Variants in EPB41L4B observed in about 807,000 individuals in gnomAD.
The protein encoded by EPB41L4B is band 4.1-like protein 4B.
A neutral mutation model predicts 112.5 loss-of-function variants in EPB41L4B; 30 were observed. The observed-to-expected ratio is 0.27, with a 90% CI of 0.20 to 0.36. The LOEUF is 0.36. Among genes scored for constraint, EPB41L4B ranks in the 10% least tolerant of loss-of-function variants. The pLI is 1.00. For synonymous variants in EPB41L4B, 408 were observed against 439.7 expected, an observed-to-expected ratio of 0.93 and a Z score of 0.90; for missense variants, 1,024 against 1,133.3, an observed-to-expected ratio of 0.90 and a Z score of 1.38.
At chr9:109,273,318 C>A (rs1252385107) in intron 2 of EPB41L4B, among the ~76,000 whole-genome samples, 2 of 151,872 alleles carry the variant, frequency 1.3e-5, no homozygotes, top group Non-Finnish European at 2.9e-5. Context: ...GTGATCTGGG[C>A]TCACTGCAAC....
chr9:109,234,466 A>G (rs1588156630), intron 15 of EPB41L4B, among the ~76,000 whole-genome samples: 2 of 152,218 alleles, frequency 1.3e-5, no homozygotes, highest in South Asian at 4.1e-4. Context: ...AAATGCTAAC[A>G]ATGTTTGCTT....
At chr9:109,276,193 ACACACACAC>A in intron 2 of EPB41L4B, among the ~76,000 whole-genome samples, 1 of 130,156 alleles carries the variant, frequency 7.7e-6, no homozygotes, top group African/African-American at 2.8e-5. Context: ...ACACACACAC[ACACACACAC>A]AAATAACAAA....
intron 6 of EPB41L4B, 90 bp from the exon 7 acceptor site, chr9:109,258,387 A>G: frequency 7.0e-7 from 1 of 1,432,598 alleles, no homozygotes; most frequent in Non-Finnish European, 9.7e-7. Flanking sequence ...TTGCATCATT[A>G]TAAAGCACAG....
chr9:109,217,246 A>G (rs893443418), intron 15 of EPB41L4B, 101 bp from the exon 16 acceptor site: 21 of 971,030 alleles, frequency 2.2e-5, no homozygotes, highest in Non-Finnish European at 3.2e-5. Flanking sequence ...ACTGAAAGAA[A>G]TAAACTCAAA....
chr9:109,230,109 T>G (rs548417861), intron 15 of EPB41L4B, among the ~76,000 whole-genome samples: 2 of 152,182 alleles, frequency 1.3e-5, no homozygotes, highest in Non-Finnish European at 2.9e-5. Flanking sequence ...ATCTAACATT[T>G]TTGAGTGCCC....
intron 17 of EPB41L4B, among the ~76,000 whole-genome samples, chr9:109,213,186 T>A (rs1241623975): frequency 1.3e-5 from 2 of 152,156 alleles, no homozygotes; most frequent in African/African-American, 2.4e-5. Context: ...AATCCAGCAG[T>A]GGTATGTATC....
intron 2 of EPB41L4B, among the ~76,000 whole-genome samples, chr9:109,273,205 C>T (rs1835691583): frequency 6.6e-6 from 1 of 152,114 alleles, no homozygotes; most frequent in African/African-American, 2.4e-5. Flanking sequence ...GGCCTGCCTC[C>T]CAGCATTCAG....
In EPB41L4B at chr9:109,262,914, C is replaced by T; in HGVS notation, c.631+136G>A. On this transcript the variant is annotated intron_variant, in intron 6 of 25. Coordinates refer to ENST00000374566, the MANE Select transcript of EPB41L4B (RefSeq NM_019114.5). ...GCCTTCCTCACTGGACTGCACGCCACTTGGGGACAGAGACCGTGTCATATT... is the reference window on the plus strand; with the variant it reads ...GCCTTCCTCACTGGACTGCACGCCATTTGGGGACAGAGACCGTGTCATATT... The T allele has an allele frequency of 4.8e-6, 3 of 624,394 alleles. No individual in the cohort carries two copies. The South Asian group carries it at 7.0e-5, about 15-fold the overall frequency. 38.7% of individuals were successfully genotyped at this position (624,394 alleles called of 1,614,324 possible). A position where few individuals can be genotyped will look rare whatever the true frequency, so the allele number is the denominator to read the frequency against.
At chr9:109,227,488 A>C (rs1833822564) in intron 15 of EPB41L4B, among the ~76,000 whole-genome samples, 1 of 152,218 alleles carries the variant, frequency 6.6e-6, no homozygotes, top group Admixed American at 6.5e-5. Flanking sequence ...TAGAATTTTT[A>C]AACTTTTTCA....
At chr9:109,281,587 C>T (rs1010804515) in intron 1 of EPB41L4B, among the ~76,000 whole-genome samples, 2 of 151,996 alleles carry the variant, frequency 1.3e-5, no homozygotes, top group Admixed American at 1.3e-4. Flanking sequence ...CCTGTAATCC[C>T]GCTATTCAGG....
intron 1 of EPB41L4B, among the ~76,000 whole-genome samples, chr9:109,293,073 G>GC (rs1230886762): frequency 2.0e-5 from 3 of 152,202 alleles, no homozygotes; most frequent in African/African-American, 7.2e-5. Flanking sequence ...AGGAGCAGAA[G>GC]CATCTCCCAG....
intron 5 of EPB41L4B, among the ~76,000 whole-genome samples, chr9:109,264,237 G>C (rs1835321069): frequency 6.6e-6 from 1 of 152,188 alleles, no homozygotes; most frequent in South Asian, 2.1e-4. Context: ...TGCAAATTCG[G>C]AAATTACATA....
intron 2 of EPB41L4B, among the ~76,000 whole-genome samples, chr9:109,275,597 C>A (rs1835784047): frequency 6.6e-6 from 1 of 152,122 alleles, no homozygotes; most frequent in South Asian, 2.1e-4. Flanking sequence ...GACTTCCGGT[C>A]CCCCCTCACA....
chr9:109,256,495 T>G lies in EPB41L4B; in HGVS notation c.753-15A>C. On this transcript the variant is annotated splice_polypyrimidine_tract_variant and intron_variant, in intron 7 of 25. Coordinates refer to ENST00000374566, the MANE Select transcript of EPB41L4B (RefSeq NM_019114.5). ...GGCTCTTTCCCCTTAGAAAAACCAA[T>G]GGAAATACATGTAAACTGCGACTCG... 2 of 1,609,788 alleles carry G rather than the reference T, an allele frequency of 1.2e-6. No homozygotes were observed. The highest frequency in any genetic ancestry group is 2.2e-5 in the East Asian group (1 of 44,856).
At chr9:109,276,632 G>A (rs1588200037) in intron 2 of EPB41L4B, among the ~76,000 whole-genome samples, 1 of 152,208 alleles carries the variant, frequency 6.6e-6, no homozygotes, top group African/African-American at 2.4e-5. Flanking sequence ...TCTGGCCTGG[G>A]AAAGCCGCCT....
intron 1 of EPB41L4B, among the ~76,000 whole-genome samples, chr9:109,283,931 TAAA>T (rs200346279): frequency 3.0e-5 from 4 of 132,494 alleles, no homozygotes; most frequent in Admixed American, 7.5e-5. Flanking sequence ...TACAAAAAAG[TAAA>T]AAAAAAAAAA....
chr9:109,180,370 C>A (rs928166211), intron 24 of EPB41L4B, among the ~76,000 whole-genome samples: 1 of 152,228 alleles, frequency 6.6e-6, no homozygotes, highest in East Asian at 1.9e-4. Context: ...GAGTGCCCCA[C>A]TATGGCCAAC....
intron 15 of EPB41L4B, among the ~76,000 whole-genome samples, chr9:109,222,855 A>T (rs1252267285): frequency 6.6e-6 from 1 of 152,164 alleles, no homozygotes; most frequent in African/African-American, 2.4e-5. Flanking sequence ...GGGCTTAGTG[A>T]AAGGGAGTAA....
rs1564255040 is a variant in EPB41L4B at position 109,192,361 on chromosome 9, GAGAC to G, written c.2224-10_2224-7del. 3.8e-6 allele frequency: 6 copies of G among 1,598,590 alleles called. No individual in the cohort carries two copies. In the Admixed American group the frequency reaches 1.1e-4, roughly 29 times the overall value. ...CCTCCTCGGTCAGAGGGGCTCTAGG[GAGAC>G]AGACAAACACCCCTGGTTAGAGACG... On this transcript the variant is annotated splice_region_variant and splice_polypyrimidine_tract_variant and intron_variant, in intron 21 of 25. Coordinates refer to ENST00000374566, the MANE Select transcript of EPB41L4B (RefSeq NM_019114.5).
Sources: allele counts gnomAD v4.1 joint callset (sites outside exome capture counted in the v4.1 genomes callset), GRCh38; gene constraint gnomAD v4.1.1; transcripts MANE v1.5; gene names NCBI Gene and HGNC (gene_info 2026-07-23, HGNC 2026-07-21).